The following CTNNA3 variants were observed in gnomAD, a reference collection of about 807,000 sequenced individuals.
CTNNA3 encodes the protein catenin alpha-3.
Under a neutral mutation model 95.7 loss-of-function variants are expected in CTNNA3, and 76 were observed. The observed-to-expected ratio is 0.79, with a 90% CI of 0.66 to 0.96. The LOEUF (loss-of-function observed/expected upper bound fraction) is 0.96, where lower values mean the gene tolerates loss of function less well. Ranked by LOEUF, CTNNA3 falls within the 40% of genes least tolerant of loss-of-function variation. The pLI, the probability that CTNNA3 is intolerant of heterozygous loss-of-function variation, is 0.00. For synonymous variants in CTNNA3, 431 were observed against 374.4 expected (o/e 1.15, Z -1.74); for missense variants, 1,191 against 1,089.8 (o/e 1.09, Z -1.31).
At position 65,919,371 on chromosome 10, in the gene CTNNA3, T is replaced by G. The variant is rs1336331515; in HGVS notation, c.*959A>C. On this transcript the variant is annotated 3_prime_UTR_variant, in exon 18 of 18. Transcript: ENST00000433211. ...ATGGTACAGTTCATGCAGTTATATTTTACTCAACGTCAAAAGATTTTTCAA... is the reference window on the plus strand; with the variant it reads ...ATGGTACAGTTCATGCAGTTATATTGTACTCAACGTCAAAAGATTTTTCAA... 6.6e-6 allele frequency: 1 copy of G among 152,200 alleles called. No individual in the cohort carries two copies. Among genetic ancestry groups the G allele is most frequent in the African/African-American group, 2.4e-5 (1 of 41,454 alleles). 9.4% of individuals were successfully genotyped at this position (152,200 alleles called of 1,614,324 possible). A position where few individuals can be genotyped will look rare whatever the true frequency, so the allele number is the denominator to read the frequency against.
At chr10:66,161,292 C>T (rs1025033467) in intron 13 of CTNNA3, among the ~76,000 whole-genome samples, 1 of 151,994 alleles carries the variant, frequency 6.6e-6, no homozygotes, top group Non-Finnish European at 1.5e-5. Context: ...TTTTATAGGT[C>T]CTGTGTGATT....
In CTNNA3 at chr10:66,927,970, A is replaced by C; in HGVS notation, c.1048-152446T>G. 1 of 1,614,250 alleles carries C rather than the reference A, an allele frequency of 6.2e-7. No individual in the cohort carries two copies. The highest frequency in any genetic ancestry group is 8.5e-7 in the Non-Finnish European group (1 of 1,180,050). ...CAAAGAGCTGCAAGGAGTAAATGTG[A>C]TCGATGCAGTGAAGAACTACAGCAT... is the stretch of plus-strand genomic sequence containing the variant. On this transcript the variant is annotated intron_variant, in intron 7 of 17. Transcript: ENST00000433211. The surrounding 1 kb of genome is among the most constrained non-coding windows in gnomAD (Gnocchi z 4.7).
chr10:67,345,971 T>A (rs1842398182), intron 5 of CTNNA3, among the ~76,000 whole-genome samples: 2 of 152,244 alleles, frequency 1.3e-5, no homozygotes, highest in South Asian at 4.1e-4. Flanking sequence ...AGTTTCTTGT[T>A]TTTTTTATTT....
chr10:65,986,716 A>G (rs2078435180), intron 16 of CTNNA3, among the ~76,000 whole-genome samples: 1 of 151,770 alleles, frequency 6.6e-6, no homozygotes, highest in African/African-American at 2.4e-5. Flanking sequence ...AAAATCCTAA[A>G]ATTTACATAG....
chr10:66,824,601 A>G (rs1352804748), intron 7 of CTNNA3, among the ~76,000 whole-genome samples: 1 of 152,196 alleles, frequency 6.6e-6, no homozygotes, highest in African/African-American at 2.4e-5. Flanking sequence ...TCCAAGCATA[A>G]AATTAATAAA....
chr10:67,270,733 A>G (rs1838935774), intron 5 of CTNNA3, among the ~76,000 whole-genome samples: 1 of 152,196 alleles, frequency 6.6e-6, no homozygotes, highest in African/African-American at 2.4e-5. Context: ...TATTAAAGTC[A>G]ATACAAGAGA....
chr10:67,494,821 C>A (rs930380019), intron 5 of CTNNA3, among the ~76,000 whole-genome samples: 4 of 152,188 alleles, frequency 2.6e-5, no homozygotes, highest in Admixed American at 6.5e-5. Flanking sequence ...GGGGCACCCA[C>A]CTGTTGTCAA....
In CTNNA3 at chr10:66,676,043, G is replaced by A. The variant is rs188338873; in HGVS notation, c.1282-54259C>T. 1.4e-4 allele frequency among the ~76,000 whole-genome samples: 21 copies of A among 152,028 alleles called. No homozygotes were observed. In the South Asian group the frequency reaches 2.7e-3, roughly 20 times the overall value. On this transcript the variant is annotated intron_variant, in intron 9 of 17. Coordinates refer to ENST00000433211, the MANE Select transcript of CTNNA3 (RefSeq NM_013266.4). ...CATTGGAAGAAAGCTTTTGTACAAC[G>A]GAGGATTTATTTTCTGTTAACATAA... is the stretch of plus-strand genomic sequence containing the variant.
chr10:66,707,350 C>T (rs1394381602), intron 9 of CTNNA3, among the ~76,000 whole-genome samples: 1 of 151,982 alleles, frequency 6.6e-6, no homozygotes, highest in Non-Finnish European at 1.5e-5. Context: ...GGCCACAGTG[C>T]ATTTTAGGTA....
chr10:67,383,369 C>T (rs1157197629), intron 5 of CTNNA3, among the ~76,000 whole-genome samples: 1 of 152,086 alleles, frequency 6.6e-6, no homozygotes, highest in African/African-American at 2.4e-5. Context: ...TCACAACAGT[C>T]GTGGTAAGAA....
At chr10:67,360,088 T>C (rs530196421) in intron 5 of CTNNA3, among the ~76,000 whole-genome samples, 1 of 152,020 alleles carries the variant, frequency 6.6e-6, no homozygotes, top group African/African-American at 2.4e-5. Flanking sequence ...AATCAAGAAT[T>C]TCAAACCCCA....
intron 4 of CTNNA3, among the ~76,000 whole-genome samples, chr10:67,538,978 C>T (rs76730501): frequency 0.022 from 3,305 of 152,250 alleles, 150 homozygotes; most frequent in African/African-American, 0.075. Context: ...AGCTAATATA[C>T]ATTATTTACT....
rs371000294 is a variant in CTNNA3 at position 66,687,893 on chromosome 10, T to C, written c.1282-66109A>G. On this transcript the variant is annotated intron_variant, in intron 9 of 17. Transcript: ENST00000433211. ...TAATTTATTGAGGAAAAAAATGATA[T>C]TGAGGTCAATTATACTATAGAGTTT... Among the ~76,000 whole-genome samples the C allele has an allele frequency of 1.2e-3, 177 of 152,216 alleles. 1 individual carries two copies. Among genetic ancestry groups the C allele is most frequent in the Middle Eastern group, 0.01 (3 of 294 alleles).
In CTNNA3 at chr10:67,222,815, AG is replaced by A. The variant is rs200608784; in HGVS notation, c.580-2946del. On this transcript the variant is annotated intron_variant, in intron 5 of 17. Transcript: ENST00000433211. ...TATACATTATGCTTCTTTATTTAGAAGGACAGTGTCAAGGTTTAGTTTGTTT... is the reference window on the plus strand; with the variant it reads ...TATACATTATGCTTCTTTATTTAGAAGACAGTGTCAAGGTTTAGTTTGTTT... 5.6e-4 allele frequency among the ~76,000 whole-genome samples: 86 copies of A among 152,350 alleles called. 1 individual carries two copies. The East Asian group carries it at 0.016, about 28-fold the overall frequency.
intron 12 of CTNNA3, among the ~76,000 whole-genome samples, chr10:66,315,758 C>T (rs2092092481): frequency 6.6e-6 from 1 of 151,984 alleles, no homozygotes; most frequent in Non-Finnish European, 1.5e-5. Context: ...AATATTTCAT[C>T]CTCAAAACAA....
At chr10:66,649,806 C>T (rs1845832236) in intron 9 of CTNNA3, among the ~76,000 whole-genome samples, 1 of 152,204 alleles carries the variant, frequency 6.6e-6, no homozygotes, top group Non-Finnish European at 1.5e-5. Flanking sequence ...CAGAACCAGA[C>T]ATCACAGATG....
intron 15 of CTNNA3, among the ~76,000 whole-genome samples, chr10:66,061,310 T>C (rs2080194073): frequency 6.6e-6 from 1 of 152,130 alleles, no homozygotes; most frequent in South Asian, 2.1e-4. Context: ...GTGCCAATAC[T>C]CAGAAATGGC....
At position 66,267,834 on chromosome 10, in the gene CTNNA3, A is replaced by G. The variant is rs78622009; in HGVS notation, c.1884+12636T>C. On this transcript the variant is annotated intron_variant, in intron 13 of 17. Coordinates refer to ENST00000433211, the MANE Select transcript of CTNNA3 (RefSeq NM_013266.4). Reference sequence around the variant, plus strand: ...GAAGAGGGTATCAAAAAGATTATGTATAGCTTAATATCTTAAATTGGCAGC... The same window carrying G: ...GAAGAGGGTATCAAAAAGATTATGTGTAGCTTAATATCTTAAATTGGCAGC... Among the ~76,000 whole-genome samples, 1,386 of 152,260 alleles carry G rather than the reference A, an allele frequency of 9.1e-3. 12 individuals carry two copies. The highest frequency in any genetic ancestry group is 0.016 in the Non-Finnish European group (1,062 of 68,014).
intron 7 of CTNNA3, among the ~76,000 whole-genome samples, chr10:66,866,765 T>C (rs1844193994): frequency 6.6e-6 from 1 of 151,914 alleles, no homozygotes; most frequent in Admixed American, 6.6e-5. Context: ...ACTCAAACAC[T>C]AGTGAAAAGG....
Sources: gnomAD v4.1 joint callset for allele counts (sites outside exome capture counted in the v4.1 genomes callset) on GRCh38, gnomAD v4.1.1 for gene constraint, Gnocchi (gnomAD v3.1) non-coding constraint, MANE v1.5 for transcripts, NCBI Gene and HGNC (gene_info 2026-07-23, HGNC 2026-07-21) for gene names.